Variants in IQGAP2 observed in about 807,000 individuals in gnomAD.
The protein encoded by IQGAP2 is IQ motif containing GTPase activating protein 2.
In IQGAP2, 173 loss-of-function variants were observed where a neutral mutation model predicts 201.3. The observed-to-expected ratio is 0.86, with a 90% CI of 0.76 to 0.98. The LOEUF (loss-of-function observed/expected upper bound fraction) is 0.98, where lower values mean the gene tolerates loss of function less well. IQGAP2 is among the 50% of genes least tolerant of loss of function. IQGAP2 has a pLI of 0.00. For missense variants in IQGAP2, 1,687 were observed against 1,864.8 expected (o/e 0.90, Z 1.76); for synonymous variants, 675 against 673.9 (o/e 1.00, Z -0.03).
At chr5:76,669,399 C>G (rs1330705623) in intron 23 of IQGAP2, among the ~76,000 whole-genome samples, 1 of 152,152 alleles carries the variant, frequency 6.6e-6, no homozygotes, top group Non-Finnish European at 1.5e-5. Context: ...AGCCAGGCAC[C>G]TCTGCCCACC....
At chr5:76,641,403 A>T (rs559942988) in intron 17 of IQGAP2, among the ~76,000 whole-genome samples, 1 of 152,354 alleles carries the variant, frequency 6.6e-6, no homozygotes, top group South Asian at 2.1e-4. Context: ...AGTTGAAATC[A>T]TACCTGACTT....
chr5:76,664,388 C>T (rs1382036610), intron 21 of IQGAP2, among the ~76,000 whole-genome samples: 1 of 152,106 alleles, frequency 6.6e-6, no homozygotes, highest in Non-Finnish European at 1.5e-5. Flanking sequence ...ATAGTAACAT[C>T]GAAGATCACT....
At chr5:76,530,025 T>G (rs1169545441) in intron 2 of IQGAP2, among the ~76,000 whole-genome samples, 1 of 152,070 alleles carries the variant, frequency 6.6e-6, no homozygotes, top group Non-Finnish European at 1.5e-5. Context: ...CAAATAGGAG[T>G]AAAGAAGGTT....
intron 2 of IQGAP2, among the ~76,000 whole-genome samples, chr5:76,492,655 T>TACAGAAGA (rs1236284087): frequency 2.0e-5 from 3 of 152,022 alleles, no homozygotes; most frequent in Non-Finnish European, 4.4e-5. Context: ...GTGAAGGTTT[T>TACAGAAGA]GTAACTTTGA....
intron 3 of IQGAP2, among the ~76,000 whole-genome samples, chr5:76,565,785 C>T (rs568283979): frequency 3.3e-5 from 5 of 152,290 alleles, no homozygotes; most frequent in African/African-American, 9.6e-5. Flanking sequence ...TTGGTACATA[C>T]TCAGTATGCT....
At chr5:76,534,450 A>G (rs1759504893) in intron 2 of IQGAP2, among the ~76,000 whole-genome samples, 1 of 152,258 alleles carries the variant, frequency 6.6e-6, no homozygotes, top group Non-Finnish European at 1.5e-5. Context: ...TGGATGAGAA[A>G]ACAGTTGTAG....
At chr5:76,646,020 A>C (rs926830612) in intron 17 of IQGAP2, among the ~76,000 whole-genome samples, 4 of 152,336 alleles carry the variant, frequency 2.6e-5, no homozygotes, top group African/African-American at 9.6e-5. Context: ...AATTCCAATT[A>C]TCTTGTTTAG....
chr5:76,483,939 C>T (rs887026621), intron 2 of IQGAP2, among the ~76,000 whole-genome samples: 35 of 152,104 alleles, frequency 2.3e-4, no homozygotes, highest in African/African-American at 8.2e-4. Context: ...TTCCTTCTTC[C>T]TGAGAAGCCT....
intron 1 of IQGAP2, among the ~76,000 whole-genome samples, chr5:76,423,812 T>A (rs1301228018): frequency 6.6e-6 from 1 of 152,180 alleles, no homozygotes; most frequent in Non-Finnish European, 1.5e-5. Flanking sequence ...TATCACTGTT[T>A]AGAAGAAAGT....
At chr5:76,492,415 A>G (rs185057370) in intron 2 of IQGAP2, among the ~76,000 whole-genome samples, 1 of 152,362 alleles carries the variant, frequency 6.6e-6, no homozygotes, top group East Asian at 1.9e-4. Flanking sequence ...TATTGCCTTA[A>G]GATGAATAGG....
chr5:76,475,830 A>AT (rs777468452), intron 2 of IQGAP2, among the ~76,000 whole-genome samples: 2 of 151,834 alleles, frequency 1.3e-5, no homozygotes, highest in East Asian at 1.9e-4. Flanking sequence ...TTGTGAGTTG[A>AT]TTTTTTCAGA....
At chr5:76,471,379 A>ACAAC (rs1561396562) in intron 2 of IQGAP2, among the ~76,000 whole-genome samples, 12 of 151,712 alleles carry the variant, frequency 7.9e-5, no homozygotes, top group Non-Finnish European at 1.2e-4. Context: ...AAAAAAAAAA[A>ACAAC]AAAAAAACAC....
chr5:76,510,087 CCTCCTGGATTCAAGTTATT>C (rs974971047), intron 2 of IQGAP2, among the ~76,000 whole-genome samples: 1 of 151,316 alleles, frequency 6.6e-6, no homozygotes, highest in Non-Finnish European at 1.5e-5. Context: ...GTGAACTCCG[CCTCCTGGATTCAAGTTATT>C]CTCCTGCCTC....
intron 4 of IQGAP2, among the ~76,000 whole-genome samples, chr5:76,574,995 AG>A (rs1745370808): frequency 6.6e-6 from 1 of 152,208 alleles, no homozygotes. Context: ...TGTTCTGTAA[AG>A]TGTTTTAAAC....
intron 2 of IQGAP2, among the ~76,000 whole-genome samples, chr5:76,529,084 T>C (rs1759133514): frequency 6.6e-6 from 1 of 151,958 alleles, no homozygotes; most frequent in Non-Finnish European, 1.5e-5. Flanking sequence ...AAATGCAGAG[T>C]GCAAGGGAGA....
rs543939622 is a variant in IQGAP2, at chr5:76,531,021, T to C, written c.147-31375T>C. On this transcript the variant is annotated intron_variant, in intron 2 of 35. Transcript: ENST00000274364. ...GACTGACAGATGGGCTCTGTATTAGTCCATTTTGTGCTGCTATAACAAAAC... is the reference window on the plus strand; with the variant it reads ...GACTGACAGATGGGCTCTGTATTAGCCCATTTTGTGCTGCTATAACAAAAC... 2.0e-5 allele frequency among the ~76,000 whole-genome samples: 3 copies of C among 152,344 alleles called. No individual in the cohort carries two copies. In the South Asian group the frequency reaches 6.2e-4, roughly 32 times the overall value.
chr5:76,621,351 G>A (rs1749652770), intron 13 of IQGAP2, among the ~76,000 whole-genome samples: 1 of 152,146 alleles, frequency 6.6e-6, no homozygotes, highest in African/African-American at 2.4e-5. Flanking sequence ...TAAAGAAAAG[G>A]AAAGAAAAAT....
chr5:76,491,958 G>C (rs6891303), intron 2 of IQGAP2, among the ~76,000 whole-genome samples: 1 of 151,416 alleles, frequency 6.6e-6, no homozygotes, highest in East Asian at 1.9e-4. Context: ...GTCTCCTCTC[G>C]ATTCTCCTGG....
intron 15 of IQGAP2, among the ~76,000 whole-genome samples, chr5:76,634,903 T>G (rs1299140305): frequency 9.9e-6 from 1 of 101,192 alleles, no homozygotes; most frequent in Non-Finnish European, 2.3e-5. Flanking sequence ...GTCTTTTTTC[T>G]AAGTAACAAA....
Sources: gnomAD v4.1 joint callset for allele counts (sites outside exome capture counted in the v4.1 genomes callset) on GRCh38, gnomAD v4.1.1 for gene constraint, MANE v1.5 for transcripts, NCBI Gene and HGNC (gene_info 2026-07-23, HGNC 2026-07-21) for gene names.